The following AFF3 variants were observed in gnomAD, a reference collection of about 807,000 sequenced individuals.
AFF3 encodes ALF transcription elongation factor 3.
Under a neutral mutation model 129.7 loss-of-function variants are expected in AFF3, and 32 were observed. The observed-to-expected ratio is 0.25, with a 90% confidence interval of 0.19 to 0.33. The LOEUF is 0.33. Among genes scored for constraint, AFF3 ranks in the 10% least tolerant of loss-of-function variants. The pLI is 1.00. For synonymous variants in AFF3, 644 were observed against 635.4 expected (o/e 1.01, Z -0.20); for missense variants, 1,373 against 1,592.0 (o/e 0.86, Z 2.34).
chr2:100,076,247 C>G lies in AFF3; in HGVS notation c.53+28155G>C, dbSNP rs372365582. ...GTCTAACTACAAACCGAGATATCTTCTTATCTAATGCAGTGACAATTAAAA... is the reference window on the plus strand; with the variant it reads ...GTCTAACTACAAACCGAGATATCTTGTTATCTAATGCAGTGACAATTAAAA... On this transcript the variant is annotated intron_variant, in intron 4 of 24. Transcript: ENST00000672756. 3.9e-5 allele frequency among the ~76,000 whole-genome samples: 6 copies of G among 152,300 alleles called. No homozygotes were observed. In the East Asian group the frequency reaches 7.7e-4, roughly 20 times the overall value.
chr2:99,867,999 C>T (rs1691565224), intron 7 of AFF3, among the ~76,000 whole-genome samples: 1 of 150,238 alleles, frequency 6.7e-6, no homozygotes, highest in South Asian at 2.1e-4. Context: ...CATTAACACC[C>T]ACGACTCTCT....
At chr2:99,724,142 A>G (rs569950167) in intron 11 of AFF3, among the ~76,000 whole-genome samples, 1 of 151,492 alleles carries the variant, frequency 6.6e-6, no homozygotes, top group South Asian at 2.1e-4. Flanking sequence ...TCTGCTCCCA[A>G]TTTTCCTACT....
chr2:99,787,809 T>C (rs139243193), intron 8 of AFF3, among the ~76,000 whole-genome samples: 1,845 of 152,318 alleles, frequency 0.012, 41 homozygotes, highest in African/African-American at 0.042. Context: ...TGGGGAGATC[T>C]GGGGCTGGCC....
intron 7 of AFF3, among the ~76,000 whole-genome samples, chr2:99,884,876 C>A (rs1247968028): frequency 6.6e-6 from 1 of 152,146 alleles, no homozygotes; most frequent in Non-Finnish European, 1.5e-5. Context: ...TCCTCCAATC[C>A]CAGCCTCTCC....
Position 99,932,367 on chromosome 2 carries a change from C to T in AFF3, c.873+74265G>A, listed in dbSNP as rs1034544906. ...TTCTGCTCATCCTTCTTTGAGAAAGCGCATTTCAGAAGCTATTTCTCCTCA... is the reference window on the plus strand; with the variant it reads ...TTCTGCTCATCCTTCTTTGAGAAAGTGCATTTCAGAAGCTATTTCTCCTCA... On this transcript the variant is annotated intron_variant, in intron 7 of 24. Transcript: ENST00000672756. Among the ~76,000 whole-genome samples the T allele has an allele frequency of 3.3e-5, 5 of 152,154 alleles. No homozygotes were observed. The East Asian group carries it at 7.7e-4, about 23-fold the overall frequency.
At chr2:99,778,620 C>T (rs1445244052) in intron 8 of AFF3, among the ~76,000 whole-genome samples, 2 of 152,166 alleles carry the variant, frequency 1.3e-5, no homozygotes, top group South Asian at 2.1e-4. Flanking sequence ...TCCATGAGCA[C>T]AGAACATTTT....
intron 8 of AFF3, among the ~76,000 whole-genome samples, chr2:99,833,055 C>T (rs564280807): frequency 6.6e-6 from 1 of 152,326 alleles, no homozygotes; most frequent in East Asian, 1.9e-4. Flanking sequence ...TCTCTTTGTT[C>T]TCTACCTTCC....
At chr2:99,700,575 C>T (rs1210240828) in intron 11 of AFF3, among the ~76,000 whole-genome samples, 4 of 152,180 alleles carry the variant, frequency 2.6e-5, no homozygotes, top group African/African-American at 9.7e-5. Context: ...TCTTAAAAGC[C>T]ACCCACATTT....
chr2:100,033,922 C>CCACTGCTACA (rs1392496366), intron 4 of AFF3, among the ~76,000 whole-genome samples: 1 of 152,138 alleles, frequency 6.6e-6, no homozygotes, highest in Non-Finnish European at 1.5e-5. Flanking sequence ...CAACATTTAT[C>CCACTGCTACA]CACTGCTACA....
intron 16 of AFF3, among the ~76,000 whole-genome samples, chr2:99,586,710 C>A (rs1420769513): frequency 6.6e-6 from 1 of 152,150 alleles, no homozygotes; most frequent in African/African-American, 2.4e-5. Context: ...GGAGCACGGA[C>A]CCTTCTAAGG....
At chr2:99,998,942 G>C (rs1284467942) in intron 7 of AFF3, among the ~76,000 whole-genome samples, 1 of 152,160 alleles carries the variant, frequency 6.6e-6, no homozygotes, top group Non-Finnish European at 1.5e-5. Context: ...AGAGACGCTG[G>C]AAATGTGGGC....
chr2:100,103,213 A>G (rs1690877097), intron 4 of AFF3, among the ~76,000 whole-genome samples: 1 of 152,204 alleles, frequency 6.6e-6, no homozygotes, highest in Non-Finnish European at 1.5e-5. Context: ...CATATCATCT[A>G]TATGTTATAA....
chr2:100,007,136 G>C lies in AFF3; in HGVS notation c.487+12C>G. Reference sequence around the variant, plus strand: ...GATTTGTGCAAATCAAGCAACCTGTGCCTGTGCTTACTTGCTCTCTGTTGG... The same window carrying C: ...GATTTGTGCAAATCAAGCAACCTGTCCCTGTGCTTACTTGCTCTCTGTTGG... On this transcript the variant is annotated intron_variant, in intron 6 of 24. Transcript: ENST00000672756. The C allele has an allele frequency of 6.2e-7, 1 of 1,613,440 alleles. No homozygotes were observed. The highest frequency in any genetic ancestry group is 1.1e-5 in the South Asian group (1 of 91,024).
chr2:99,694,677 A>G (rs1395297790), intron 11 of AFF3, among the ~76,000 whole-genome samples: 1 of 152,132 alleles, frequency 6.6e-6, no homozygotes, highest in Non-Finnish European at 1.5e-5. Context: ...GCCAACAAAA[A>G]CAAAAACAAA....
At chr2:99,923,539 A>G (rs747032306) in intron 7 of AFF3, among the ~76,000 whole-genome samples, 9 of 152,208 alleles carry the variant, frequency 5.9e-5, no homozygotes, top group Admixed American at 2.6e-4. Context: ...AAAAGGACCA[A>G]CGAAAGATGA....
chr2:99,582,721 T>C (rs1160531229), intron 17 of AFF3, 77 bp downstream of exon 17: 1 of 1,495,788 alleles, frequency 6.7e-7, no homozygotes, highest in Non-Finnish European at 9.3e-7. Context: ...GTTCAGACTG[T>C]GCTAGGTTAG....
At position 99,661,037 on chromosome 2, in the gene AFF3, C is replaced by T. The variant is rs139022857; in HGVS notation, c.1144-11371G>A. Among the ~76,000 whole-genome samples, 345 of 152,282 alleles carry T rather than the reference C, an allele frequency of 2.3e-3. 3 individuals are homozygous for T. The highest frequency in any genetic ancestry group is 0.013 in the East Asian group (65 of 5,188). On this transcript the variant is annotated intron_variant, in intron 12 of 24. Coordinates refer to ENST00000672756, the MANE Select transcript of AFF3 (RefSeq NM_001386135.1). ...CTGGACCAAACACCTGAGGGACTGT[C>T]GGTAAATCCTTTACTATATGACACT... is the stretch of plus-strand genomic sequence containing the variant.
At chr2:99,893,511 G>C (rs967229595) in intron 7 of AFF3, among the ~76,000 whole-genome samples, 1 of 152,214 alleles carries the variant, frequency 6.6e-6, no homozygotes, top group Non-Finnish European at 1.5e-5. Context: ...GAGTGTCCTT[G>C]TAAGAAGAGA....
chr2:99,977,503 A>C (rs369525039), intron 7 of AFF3, among the ~76,000 whole-genome samples: 12 of 152,360 alleles, frequency 7.9e-5, no homozygotes, highest in African/African-American at 2.4e-4. Context: ...TGTGAATGCC[A>C]ATTTTTTTTA....
Sources: gnomAD v4.1 joint callset for allele counts (sites outside exome capture counted in the v4.1 genomes callset) on GRCh38, gnomAD v4.1.1 for gene constraint, MANE v1.5 for transcripts, NCBI Gene and HGNC (gene_info 2026-07-23, HGNC 2026-07-21) for gene names.